The following PTDSS1 variants were observed in gnomAD, a reference collection of about 807,000 sequenced individuals.
The protein encoded by PTDSS1 is PSS-1.
Under a neutral mutation model 70.5 loss-of-function variants are expected in PTDSS1, and 45 were observed. The observed-to-expected ratio is 0.64, with a 90% confidence interval of 0.50 to 0.82. The LOEUF (loss-of-function observed/expected upper bound fraction) is 0.82, where lower values mean the gene tolerates loss of function less well. PTDSS1 is among the 40% of genes least tolerant of loss of function. PTDSS1 has a pLI of 0.00. For missense variants in PTDSS1, 417 were observed against 586.1 expected (o/e 0.71, Z 2.98); for synonymous variants, 188 against 203.8 (o/e 0.92, Z 0.66).
At chr8:96,321,663 G>A (rs1811374263) in intron 10 of PTDSS1, among the ~76,000 whole-genome samples, 1 of 151,960 alleles carries the variant, frequency 6.6e-6, no homozygotes, top group Non-Finnish European at 1.5e-5. Context: ...TCACATTTGG[G>A]TCTAGTTTTT....
At chr8:96,323,213 G>A (rs1811395893) in intron 10 of PTDSS1, among the ~76,000 whole-genome samples, 1 of 152,214 alleles carries the variant, frequency 6.6e-6, no homozygotes. Context: ...AGTTCTTCCA[G>A]GCGGGAGTTG....
At chr8:96,317,925 G>A (rs916854390) in intron 9 of PTDSS1, among the ~76,000 whole-genome samples, 4 of 145,568 alleles carry the variant, frequency 2.7e-5, no homozygotes, top group East Asian at 2.1e-4. Context: ...GTGTGTACAC[G>A]CATGCGTATA....
chr8:96,296,036 G>A (rs1484503638), intron 5 of PTDSS1, among the ~76,000 whole-genome samples: 3 of 150,928 alleles, frequency 2.0e-5, no homozygotes, highest in Non-Finnish European at 4.4e-5. Context: ...TATCTTTGTG[G>A]TTTGCTGGCA....
chr8:96,273,441 T>G (rs772634887), intron 2 of PTDSS1, 51 bp downstream of exon 2: 11 of 1,390,110 alleles, frequency 7.9e-6, no homozygotes, highest in South Asian at 1.3e-5. Flanking sequence ...GCCTTTCTGG[T>G]TTTTTTGAGA....
intron 2 of PTDSS1, among the ~76,000 whole-genome samples, chr8:96,274,323 T>C (rs1295263935): frequency 6.6e-6 from 1 of 152,176 alleles, no homozygotes; most frequent in Non-Finnish European, 1.5e-5. Flanking sequence ...ATTATGAATG[T>C]TATCAGATGC....
In PTDSS1 at chr8:96,309,591, A is replaced by T; in HGVS notation, c.1042A>T (p.Lys348Ter). The T allele has an allele frequency of 6.2e-7, 1 of 1,614,036 alleles. No homozygotes were observed. Among genetic ancestry groups the T allele is most frequent in the Non-Finnish European group, 8.5e-7 (1 of 1,179,952 alleles). The change falls in exon 9 of 13, where the codon AAG becomes TAG. Residue 348 changes from lysine (K) to a stop codon, truncating the protein, a stop_gained. Transcript: ENST00000517309. LOFTEE classifies it high-confidence loss of function. ...CGCTTACCTCACCGACACACAGTGC[A>T]AGCGCGTAGGAACACAATGCTGGGT... Reference protein sequence around the residue: ...YYAYLTDTQCKRVGTQCWVFG... With the variant: ...YYAYLTDTQC
chr8:96,264,113 GGAGA>G (rs1810454284), intron 1 of PTDSS1, among the ~76,000 whole-genome samples: 1 of 152,168 alleles, frequency 6.6e-6, no homozygotes, highest in Non-Finnish European at 1.5e-5. Context: ...TTCTAGCTTT[GGAGA>G]GAAATGAATC....
intron 4 of PTDSS1, among the ~76,000 whole-genome samples, chr8:96,289,592 G>A (rs1376110970): frequency 1.3e-5 from 2 of 152,144 alleles, no homozygotes; most frequent in Admixed American, 6.5e-5. Flanking sequence ...ACTATAATGT[G>A]TTCTTTTCCA....
At chr8:96,291,240 T>C (rs1420313886) in intron 4 of PTDSS1, among the ~76,000 whole-genome samples, 2 of 152,080 alleles carry the variant, frequency 1.3e-5, no homozygotes, top group Non-Finnish European at 2.9e-5. Flanking sequence ...TGTTGGCTAT[T>C]GAACCCTAAG....
At chr8:96,283,960 C>A in intron 2 of PTDSS1, 149 bp from the exon 3 acceptor site, 1 of 557,618 alleles carries the variant, frequency 1.8e-6, no homozygotes, top group East Asian at 3.1e-5. Context: ...AAACTTTGAC[C>A]TCAAAGTGTT....
At chr8:96,288,997 C>T (rs1438674628) in intron 4 of PTDSS1, among the ~76,000 whole-genome samples, 1 of 151,582 alleles carries the variant, frequency 6.6e-6, no homozygotes, top group African/African-American at 2.4e-5. Context: ...TGTAGTGGCA[C>T]AATCTCGGCT....
intron 9 of PTDSS1, among the ~76,000 whole-genome samples, chr8:96,315,409 G>A (rs1448127781): frequency 6.6e-6 from 1 of 152,194 alleles, no homozygotes; most frequent in Non-Finnish European, 1.5e-5. Flanking sequence ...GAATCCACGT[G>A]CAGGCTTGTT....
chr8:96,317,878 AGTGTGTGTGTGTGTGTGTGTGTGTGTGT>A (rs10529330), intron 9 of PTDSS1, among the ~76,000 whole-genome samples: 2 of 139,904 alleles, frequency 1.4e-5, no homozygotes, highest in Non-Finnish European at 1.6e-5. Flanking sequence ...CTTTTGTTTC[AGTGTGTGTGTGTGTGTGTGTGTGTGTGT>A]GTGTGTGTGT....
chr8:96,291,501 G>A (rs1447756455), intron 4 of PTDSS1, among the ~76,000 whole-genome samples: 2 of 149,980 alleles, frequency 1.3e-5, no homozygotes, highest in Non-Finnish European at 2.9e-5. Flanking sequence ...ACAGTACGCA[G>A]TGAGTGTTGA....
At chr8:96,301,126 C>CT (rs905892958) in intron 6 of PTDSS1, among the ~76,000 whole-genome samples, 39 of 151,364 alleles carry the variant, frequency 2.6e-4, no homozygotes, top group East Asian at 5.8e-4. Flanking sequence ...TTGTCACCCC[C>CT]TTTTTTTTTG....
At chr8:96,281,349 A>G (rs569522295) in intron 2 of PTDSS1, among the ~76,000 whole-genome samples, 1 of 152,308 alleles carries the variant, frequency 6.6e-6, no homozygotes, top group African/African-American at 2.4e-5. Flanking sequence ...TCACACTCGC[A>G]GGGCGGCAGA....
chr8:96,306,603 T>G, intron 8 of PTDSS1, 47 bp downstream of exon 8: 1 of 1,428,436 alleles, frequency 7.0e-7, no homozygotes. Context: ...TTAACTTGCT[T>G]TAGATTGTCC....
chr8:96,329,862 A>G (rs2280264), intron 10 of PTDSS1, among the ~76,000 whole-genome samples: 62,283 of 152,018 alleles, frequency 0.41, 13,609 homozygotes, highest in East Asian at 0.6. Context: ...GAGAGAATGG[A>G]CCCTGAAAAT....
At position 96,264,863 on chromosome 8, in the gene PTDSS1, C is replaced by T. The variant is rs1810464453; in HGVS notation, c.179+2644C>T. On this transcript the variant is annotated intron_variant, in intron 1 of 12. Coordinates refer to ENST00000517309, the MANE Select transcript of PTDSS1 (RefSeq NM_014754.3). Reference sequence around the variant, plus strand: ...TCTGAACTTCAGACTGTAGTCTCATCCAAAAATGTTAACAATTTTATTTCT... The same window carrying T: ...TCTGAACTTCAGACTGTAGTCTCATTCAAAAATGTTAACAATTTTATTTCT... 2.0e-5 allele frequency among the ~76,000 whole-genome samples: 3 copies of T among 152,070 alleles called. No individual in the cohort carries two copies. In the South Asian group the frequency reaches 6.2e-4, roughly 32 times the overall value.
Sources: allele counts gnomAD v4.1 joint callset (sites outside exome capture counted in the v4.1 genomes callset), GRCh38; gene constraint gnomAD v4.1.1; transcripts MANE v1.5; gene names NCBI Gene and HGNC (gene_info 2026-07-23, HGNC 2026-07-21).